The following PAPPA2 variants were observed in gnomAD, a reference collection of about 807,000 sequenced individuals.
PAPPA2 encodes the protein pappalysin-2.
A neutral mutation model predicts 176.4 loss-of-function variants in PAPPA2; 86 were observed. The ratio of observed to expected loss-of-function variants is 0.49; its 90% CI spans 0.41 to 0.58. The LOEUF is 0.58. Among genes scored for constraint, PAPPA2 ranks in the 20% least tolerant of loss-of-function variants. The probability of loss-of-function intolerance (pLI) is 0.00; values close to 1 mark genes in which losing one functional copy is unlikely to be tolerated. For missense variants in PAPPA2, 2,073 were observed against 2,256.9 expected (o/e 0.92, Z 1.65); for synonymous variants, 809 against 852.2 (o/e 0.95, Z 0.88).
chr1:176,571,769 A>G (rs984433181), intron 2 of PAPPA2, among the ~76,000 whole-genome samples: 2 of 152,216 alleles, frequency 1.3e-5, no homozygotes, highest in Admixed American at 1.3e-4. Context: ...ACTAACTATA[A>G]TATTTTAGTT....
intron 3 of PAPPA2, among the ~76,000 whole-genome samples, chr1:176,635,817 A>T (rs1656666746): frequency 1.3e-5 from 2 of 152,092 alleles, no homozygotes; most frequent in African/African-American, 4.8e-5. Flanking sequence ...AGGAGAATGA[A>T]CATTTTTTTG....
chr1:176,689,305 A>G (rs1659988752), intron 4 of PAPPA2, among the ~76,000 whole-genome samples: 1 of 152,188 alleles, frequency 6.6e-6, no homozygotes, highest in Admixed American at 6.5e-5. Context: ...GGTTCCAATG[A>G]TACCACTAAG....
chr1:176,697,099 C>T (rs943179725), intron 7 of PAPPA2, among the ~76,000 whole-genome samples: 3 of 152,004 alleles, frequency 2.0e-5, no homozygotes, highest in African/African-American at 7.2e-5. Flanking sequence ...GATTCCCTGA[C>T]CTGGTATTTT....
At position 176,634,837 on chromosome 1, in the gene PAPPA2, GATAGATAGATACATAGATAC is replaced by G. The variant is rs1656580812; in HGVS notation, c.1992-36125_1992-36106del. 1.9e-4 allele frequency among the ~76,000 whole-genome samples: 27 copies of G among 141,874 alleles called. No individual in the cohort carries two copies. In the South Asian group the frequency reaches 6.1e-3, roughly 32 times the overall value. 93.1% of individuals were successfully genotyped at this position (141,874 alleles called of 152,430 possible). ...AGATAGATAGATAGATAGATAGATA[GATAGATAGATACATAGATAC>G]ATAGATACATAGATAGATACATAGA... On this transcript the variant is annotated intron_variant, in intron 3 of 22. Coordinates refer to ENST00000367662, the MANE Select transcript of PAPPA2 (RefSeq NM_020318.3).
intron 1 of PAPPA2, among the ~76,000 whole-genome samples, chr1:176,465,659 T>C (rs973672998): frequency 2.0e-5 from 3 of 151,974 alleles, no homozygotes; most frequent in African/African-American, 7.2e-5. Flanking sequence ...TTTTTAACTT[T>C]TAAGTTCAGG....
chr1:176,660,761 G>C (rs923700580), intron 3 of PAPPA2, among the ~76,000 whole-genome samples: 3 of 152,048 alleles, frequency 2.0e-5, no homozygotes, highest in African/African-American at 4.8e-5. Flanking sequence ...GATTAGTTTT[G>C]CATGATTCTT....
rs976662441 is a variant in PAPPA2 at position 176,695,849 on chromosome 1, G to A, written c.2736G>A (p.Glu912=). Residue 912 remains glutamate, a synonymous_variant, in exon 7 of 23, where the codon GAG becomes GAA. Coordinates refer to ENST00000367662, the MANE Select transcript of PAPPA2 (RefSeq NM_020318.3). ...ACTCCTCAGGTTATTGGACCCCAGA[G>A]GAGGCTGTGGGTAAAGTACCATGAC... ...VCDSSGYWTP[E]EAVGPPDVDQ... The A allele has an allele frequency of 6.2e-7, 1 of 1,613,980 alleles. No homozygotes were observed. Among genetic ancestry groups the A allele is most frequent in the Middle Eastern group, 1.7e-4 (1 of 6,026 alleles).
chr1:176,655,529 A>G (rs1381005260), intron 3 of PAPPA2, among the ~76,000 whole-genome samples: 3 of 151,848 alleles, frequency 2.0e-5, no homozygotes, highest in African/African-American at 7.2e-5. Flanking sequence ...AAAATGCTCA[A>G]TATTTCTTAT....
intron 3 of PAPPA2, among the ~76,000 whole-genome samples, chr1:176,666,522 G>T (rs879938635): frequency 6.6e-6 from 1 of 151,282 alleles, no homozygotes; most frequent in African/African-American, 2.4e-5. Context: ...TTGTGGGATC[G>T]GGAAAAGGGA....
chr1:176,794,988 G>A (rs1665361617), intron 20 of PAPPA2, among the ~76,000 whole-genome samples: 1 of 152,140 alleles, frequency 6.6e-6, no homozygotes, highest in Non-Finnish European at 1.5e-5. Flanking sequence ...CCTGGCAGTT[G>A]CGACAGGCAG....
Position 176,771,164 on chromosome 1 carries a change from G to GA in PAPPA2, c.4700dup (p.Lys1569Ter). The GA allele has an allele frequency of 6.2e-7, 1 of 1,614,188 alleles. No homozygotes were observed. The highest frequency in any genetic ancestry group is 8.5e-7 in the Non-Finnish European group (1 of 1,180,014). On this transcript the variant is annotated frameshift_variant, in exon 17 of 23. Coordinates refer to ENST00000367662, the MANE Select transcript of PAPPA2 (RefSeq NM_020318.3). LOFTEE classifies it high-confidence loss of function. ...AGGGTACTATGTGGCAGAAAGTGCAGAGGGTAAAGTCAGGAAGTAAGTTGA... is the reference window on the plus strand; with the variant it reads ...AGGGTACTATGTGGCAGAAAGTGCAGAAGGGTAAAGTCAGGAAGTAAGTTGA...
Position 176,556,364 on chromosome 1 carries a change from G to A in PAPPA2, c.42G>A (p.Leu14=), listed in dbSNP as rs1184299694. 1 of 1,614,196 alleles carries A rather than the reference G, an allele frequency of 6.2e-7. No individual in the cohort carries two copies. Among genetic ancestry groups the A allele is most frequent in the Non-Finnish European group, 8.5e-7 (1 of 1,180,018 alleles). The change falls in exon 2 of 23, where the codon TTG becomes TTA. Residue 14 remains leucine, a synonymous_variant. Transcript: ENST00000367662. The stretch of plus-strand genomic sequence containing the variant: ...TCCTAAGAATAAGCCTGGCGATTTT[G>A]GCTGGGTGGGCACTCTGTTCTGCCA... ...LKILRISLAI[L]AGWALCSANS...
At chr1:176,471,909 T>A (rs1651896241) in intron 1 of PAPPA2, among the ~76,000 whole-genome samples, 2 of 152,214 alleles carry the variant, frequency 1.3e-5, no homozygotes, top group African/African-American at 4.8e-5. Flanking sequence ...TCCTGCGAAC[T>A]GGCAGCTGGA....
intron 12 of PAPPA2, among the ~76,000 whole-genome samples, chr1:176,738,848 T>A (rs1308989828): frequency 6.6e-6 from 1 of 152,136 alleles, no homozygotes; most frequent in Non-Finnish European, 1.5e-5. Flanking sequence ...TCTTTTCTTT[T>A]TTTTTCTATC....
intron 1 of PAPPA2, among the ~76,000 whole-genome samples, chr1:176,552,398 TC>T (rs1191564768): frequency 1.4e-5 from 2 of 147,828 alleles, no homozygotes; most frequent in African/African-American, 2.5e-5. Flanking sequence ...TCTCTTTTCT[TC>T]CCCCCTTACC....
At chr1:176,669,104 C>A (rs1386171736) in intron 3 of PAPPA2, among the ~76,000 whole-genome samples, 1 of 152,052 alleles carries the variant, frequency 6.6e-6, no homozygotes, top group Non-Finnish European at 1.5e-5. Flanking sequence ...TAAGCCATGT[C>A]AGGAGCAGGG....
intron 3 of PAPPA2, among the ~76,000 whole-genome samples, chr1:176,601,255 T>A (rs903873100): frequency 4.6e-5 from 7 of 152,198 alleles, no homozygotes; most frequent in African/African-American, 1.7e-4. Context: ...TGCAGGCCTC[T>A]CGAGCTTGGA....
intron 1 of PAPPA2, among the ~76,000 whole-genome samples, chr1:176,539,590 G>T (rs1383654658): frequency 6.6e-6 from 1 of 152,220 alleles, no homozygotes; most frequent in African/African-American, 2.4e-5. Flanking sequence ...TGTTCAAGGT[G>T]CTGGTTATGA....
At chr1:176,746,100 G>A (rs1662892622) in intron 14 of PAPPA2, among the ~76,000 whole-genome samples, 1 of 152,202 alleles carries the variant, frequency 6.6e-6, no homozygotes, top group African/African-American at 2.4e-5. Flanking sequence ...TCCCACACAT[G>A]GCTGGAGAAG....
Sources: gnomAD v4.1 joint callset for allele counts (sites outside exome capture counted in the v4.1 genomes callset) on GRCh38, gnomAD v4.1.1 for gene constraint, MANE v1.5 for transcripts, NCBI Gene and HGNC (gene_info 2026-07-23, HGNC 2026-07-21) for gene names.